PRKCZ: variants seen among roughly 807,000 people sequenced by gnomAD.
The protein encoded by PRKCZ is protein kinase C zeta type.
In PRKCZ, 33 loss-of-function variants were observed where a neutral mutation model predicts 79.5. The observed-to-expected ratio is 0.41, with a 90% CI of 0.31 to 0.55. The LOEUF (loss-of-function observed/expected upper bound fraction) is 0.55, where lower values mean the gene tolerates loss of function less well. PRKCZ is among the 20% of genes least tolerant of loss of function. The pLI is 0.19. For missense variants in PRKCZ, 578 were observed against 813.5 expected (o/e 0.71, Z 3.52); for synonymous variants, 342 against 320.9 (o/e 1.07, Z -0.70).
chr1:2,055,574 C>G lies in PRKCZ; in HGVS notation c.193+12C>G. 1.2e-6 allele frequency: 2 copies of G among 1,609,582 alleles called. No individual in the cohort carries two copies. The highest frequency in any genetic ancestry group is 1.7e-6 in the Non-Finnish European group (2 of 1,177,776). On this transcript the variant is annotated intron_variant, in intron 2 of 17. Coordinates refer to ENST00000378567, the MANE Select transcript of PRKCZ (RefSeq NM_002744.6). ...GGTGGACAGCGAAGGTAGCCCTTGT[C>G]CCATGTTGGCCAGAATCCTCAGCCT...
chr1:2,052,595 T>A (rs1659782942), intron 1 of PRKCZ, among the ~76,000 whole-genome samples: 2 of 151,928 alleles, frequency 1.3e-5, no homozygotes, highest in South Asian at 4.2e-4. Context: ...CCCTCCCAGG[T>A]CCTCCTCCTC....
At chr1:2,073,487 G>A (rs1339448435) in intron 4 of PRKCZ, 3 of 410,280 alleles carry the variant, frequency 7.3e-6, no homozygotes, top group East Asian at 1.6e-4. Context: ...GCAGGACCCC[G>A]GGCTTAGCTG....
At chr1:2,147,226 C>G (rs1282859952) in intron 7 of PRKCZ, among the ~76,000 whole-genome samples, 1 of 152,120 alleles carries the variant, frequency 6.6e-6, no homozygotes, top group Non-Finnish European at 1.5e-5. Flanking sequence ...ATCTATCCAT[C>G]CATCTTTTGT....
intron 1 of PRKCZ, among the ~76,000 whole-genome samples, chr1:2,054,052 T>C (rs935424680): frequency 6.6e-6 from 1 of 152,156 alleles, no homozygotes; most frequent in Non-Finnish European, 1.5e-5. Context: ...TGGGCTGCTG[T>C]GTCAGGGCCG....
At chr1:2,077,514 C>G (rs1662665988) in intron 4 of PRKCZ, among the ~76,000 whole-genome samples, 1 of 152,196 alleles carries the variant, frequency 6.6e-6, no homozygotes, top group African/African-American at 2.4e-5. Context: ...GTGTCTTGTC[C>G]TGGTCAGGAA....
rs1414691093 is a variant in PRKCZ at position 2,173,898 on chromosome 1, G to T, written c.1287G>T (p.Gly429=). Reference sequence around the variant, plus strand: ...TGATGGCTGTGTGCTCTCCCCCAGGGTTCAGCGTGGACTGGTGGGCGCTGG... The same window carrying T: ...TGATGGCTGTGTGCTCTCCCCCAGGTTTCAGCGTGGACTGGTGGGCGCTGG... ...APEILRGEEY[G]FSVDWWALGV... The change falls in exon 14 of 18, where the codon GGG becomes GGT. Residue 429 remains glycine (G), a splice_region_variant and synonymous_variant. Coordinates refer to ENST00000378567, the MANE Select transcript of PRKCZ (RefSeq NM_002744.6). This position sits in a 1 kb window ranked among gnomAD's most constrained non-coding sequence, Gnocchi z 5.7. 1.2e-6 allele frequency: 2 copies of T among 1,606,986 alleles called. No individual in the cohort carries two copies. Among genetic ancestry groups the T allele is most frequent in the Non-Finnish European group, 1.7e-6 (2 of 1,175,978 alleles).
intron 4 of PRKCZ, among the ~76,000 whole-genome samples, chr1:2,130,421 T>TG (rs1674735808): frequency 6.6e-6 from 1 of 152,192 alleles, no homozygotes; most frequent in African/African-American, 2.4e-5. Context: ...GGACTCCGCA[T>TG]GGGGGGCTGG....
Position 2,150,893 on chromosome 1 carries a change from C to T in PRKCZ, c.791C>T (p.Ala264Val). 6.2e-7 allele frequency: 1 copy of T among 1,614,166 alleles called. No homozygotes were observed. Among genetic ancestry groups the T allele is most frequent in the Non-Finnish European group, 8.5e-7 (1 of 1,180,038 alleles). The change falls in exon 9 of 18, where the codon GCC (alanine) becomes GTC (valine). Residue 264 changes from alanine to valine, a missense_variant. Coordinates refer to ENST00000378567, the MANE Select transcript of PRKCZ (RefSeq NM_002744.6). ...LIRVIGRGSY[A>V]KVLLVRLKKN... ...AGAGTCATCGGGCGCGGGAGCTACG[C>T]CAAGGTTCTCCTGGTGCGGTTGAAG...
intron 4 of PRKCZ, among the ~76,000 whole-genome samples, chr1:2,086,500 C>T (rs1664544907): frequency 6.6e-6 from 1 of 152,200 alleles, no homozygotes. Flanking sequence ...CCCCATGCTA[C>T]CCGCTTTTCC....
chr1:2,174,940 C>T lies in PRKCZ; in HGVS notation c.1485+107C>T, dbSNP rs1265465878. On this transcript the variant is annotated intron_variant, in intron 15 of 17. Coordinates refer to ENST00000378567, the MANE Select transcript of PRKCZ (RefSeq NM_002744.6). The surrounding 1 kb of genome is among the most constrained non-coding windows in gnomAD (Gnocchi z 6.2). Reference sequence around the variant, plus strand: ...TTTTTTCATGTCGGCTGCTGTGTATCGGGTGTGTGGGTTGATTTTCCGCTT... The same window carrying T: ...TTTTTTCATGTCGGCTGCTGTGTATTGGGTGTGTGGGTTGATTTTCCGCTT... 9 of 1,191,060 alleles carry T rather than the reference C, an allele frequency of 7.6e-6. No individual in the cohort carries two copies. The highest frequency in any genetic ancestry group is 4.5e-5 in the African/African-American group (3 of 66,194). 73.8% of individuals were successfully genotyped at this position (1,191,060 alleles called of 1,614,324 possible).
chr1:2,105,722 C>G (rs1345136977), intron 4 of PRKCZ, among the ~76,000 whole-genome samples: 1 of 152,158 alleles, frequency 6.6e-6, no homozygotes, highest in African/African-American at 2.4e-5. Flanking sequence ...AAATAAATGT[C>G]TAAGCAAAAT....
intron 4 of PRKCZ, among the ~76,000 whole-genome samples, chr1:2,072,330 T>C (rs942421081): frequency 6.6e-6 from 1 of 152,270 alleles, no homozygotes; most frequent in Admixed American, 6.5e-5. Flanking sequence ...GTTTTATTAC[T>C]GTTCAGGCAG....
chr1:2,176,970 A>G (rs1685618036), intron 16 of PRKCZ, among the ~76,000 whole-genome samples: 1 of 152,224 alleles, frequency 6.6e-6, no homozygotes, highest in South Asian at 2.1e-4. Flanking sequence ...GGCACCTGCC[A>G]CGGAATCACC....
At chr1:2,152,641 C>A (rs1252828577) in intron 9 of PRKCZ, among the ~76,000 whole-genome samples, 2 of 152,234 alleles carry the variant, frequency 1.3e-5, no homozygotes, top group Non-Finnish European at 2.9e-5. Context: ...ATTTTCCTCA[C>A]CCCAAAAGGA....
chr1:2,050,701 G>C lies in PRKCZ; in HGVS notation c.71G>C (p.Gly24Ala). The C allele has an allele frequency of 8.2e-7, 1 of 1,224,626 alleles. No homozygotes were observed. The highest frequency in any genetic ancestry group is 1.0e-6 in the Non-Finnish European group (1 of 982,240). The allele number at this position is 1,224,626 out of a possible 1,614,324, so 75.9% of individuals were successfully genotyped here. A position where few individuals can be genotyped will look rare whatever the true frequency, so the allele number is the denominator to read the frequency against. ...GTCCGCCTCAAGGCGCATTACGGGG[G>C]GTGAGCGGCGGAGAGGGCGGGGAGC... The part of the protein sequence containing the change: ...GRVRLKAHYG[G>A]DIFITSVDAA... Residue 24 changes from glycine to alanine, a missense_variant and splice_region_variant, in exon 1 of 18, where the codon GGG (glycine) becomes GCG (alanine). Physicochemically the swap from Gly to Ala is moderately conservative, Grantham distance 60. Around this residue, in one of 4 missense-constraint regions of PRKCZ, gnomAD observed 228 missense variants for 211.6 expected, o/e 1.08. Transcript: ENST00000378567.
At chr1:2,140,341 G>A (rs571599422) in intron 5 of PRKCZ, among the ~76,000 whole-genome samples, 1 of 152,146 alleles carries the variant, frequency 6.6e-6, no homozygotes, top group Non-Finnish European at 1.5e-5. Flanking sequence ...TCTAAAACAT[G>A]AAAATGGGCG....
chr1:2,160,219 C>G (rs140574190), intron 10 of PRKCZ, among the ~76,000 whole-genome samples: 87 of 149,894 alleles, frequency 5.8e-4, no homozygotes, highest in African/African-American at 2.1e-3. Context: ...ACATGAAAAG[C>G]ACTTCACCCA....
rs1394527699 is a variant in PRKCZ, at chr1:2,172,874, G to A, written c.1285+486G>A. Among the ~76,000 whole-genome samples, 1 of 152,170 alleles carries A rather than the reference G, an allele frequency of 6.6e-6. No individual in the cohort carries two copies. Among genetic ancestry groups the A allele is most frequent in the Non-Finnish European group, 1.5e-5 (1 of 68,034 alleles). ...GACATGGGCACGCGTGTGCAGCCGT[G>A]TGTGCGTGTGTGAAACGGGGACGTG... On this transcript the variant is annotated intron_variant, in intron 13 of 17. Transcript: ENST00000378567. This position sits in a 1 kb window ranked among gnomAD's most constrained non-coding sequence, Gnocchi z 7.8.
chr1:2,179,413 T>G (rs1686110308), intron 16 of PRKCZ, among the ~76,000 whole-genome samples: 1 of 152,188 alleles, frequency 6.6e-6, no homozygotes, highest in South Asian at 2.1e-4. Flanking sequence ...CCCCGGTACT[T>G]GGCACACTGC....
Sources: allele counts gnomAD v4.1 joint callset (sites outside exome capture counted in the v4.1 genomes callset), GRCh38; gene constraint gnomAD v4.1.1; regional missense constraint gnomAD v4.1.1; non-coding constraint Gnocchi (gnomAD v3.1); transcripts MANE v1.5; gene names NCBI Gene and HGNC (gene_info 2026-07-23, HGNC 2026-07-21).